DNER: variants seen among roughly 807,000 people sequenced by gnomAD.
DNER encodes delta/notch like EGF repeat containing.
In DNER, 33 loss-of-function variants were observed where a neutral mutation model predicts 78.2. The observed-to-expected ratio is 0.42, with a 90% CI of 0.32 to 0.56. The LOEUF (loss-of-function observed/expected upper bound fraction) is 0.56, where lower values mean the gene tolerates loss of function less well. Ranked by LOEUF, DNER falls within the 20% of genes least tolerant of loss-of-function variation. The pLI, the probability that DNER is intolerant of heterozygous loss-of-function variation, is 0.11. For missense variants in DNER, 918 were observed against 975.3 expected, an observed-to-expected ratio of 0.94 and a Z score of 0.78; for synonymous variants, 417 against 384.8, an observed-to-expected ratio of 1.08 and a Z score of -0.98.
At chr2:229,603,725 T>A (rs1354519411) in intron 1 of DNER, among the ~76,000 whole-genome samples, 2 of 151,830 alleles carry the variant, frequency 1.3e-5, no homozygotes, top group Non-Finnish European at 2.9e-5. Context: ...TACATTGAGC[T>A]GTACATATTT....
intron 9 of DNER, among the ~76,000 whole-genome samples, chr2:229,408,944 T>G (rs902128220): frequency 6.6e-6 from 1 of 152,174 alleles, no homozygotes; most frequent in Non-Finnish European, 1.5e-5. Flanking sequence ...ACCCCTGTGA[T>G]CCCACTGCCT....
At chr2:229,546,481 AT>A (rs1696628328) in intron 5 of DNER, among the ~76,000 whole-genome samples, 1 of 152,272 alleles carries the variant, frequency 6.6e-6, no homozygotes, top group Admixed American at 6.5e-5. Flanking sequence ...CATGCCTGTA[AT>A]CTCAGCACTG....
intron 4 of DNER, among the ~76,000 whole-genome samples, chr2:229,580,684 A>G (rs776062933): frequency 2.0e-5 from 3 of 152,348 alleles, no homozygotes; most frequent in Middle Eastern, 3.4e-3. Flanking sequence ...AAAACGAACC[A>G]TAAGAAAGAA....
chr2:229,433,132 G>T (rs1416603110), intron 8 of DNER, among the ~76,000 whole-genome samples: 1 of 152,178 alleles, frequency 6.6e-6, no homozygotes, highest in African/African-American at 2.4e-5. Flanking sequence ...GAGAGACAGG[G>T]TTTCACCATG....
intron 5 of DNER, among the ~76,000 whole-genome samples, chr2:229,529,246 T>C (rs888457705): frequency 2.0e-5 from 3 of 151,998 alleles, no homozygotes; most frequent in African/African-American, 4.8e-5. Context: ...ATCCTAACAA[T>C]AGAGGAGCGA....
intron 4 of DNER, among the ~76,000 whole-genome samples, chr2:229,554,926 AG>A (rs1696827003): frequency 2.8e-4 from 15 of 54,030 alleles, no homozygotes; most frequent in South Asian, 8.6e-4. Flanking sequence ...AGAAGAGAAG[AG>A]AAGAGAAGAG....
chr2:229,366,524 T>C (rs1290857179), intron 12 of DNER, among the ~76,000 whole-genome samples: 1 of 152,258 alleles, frequency 6.6e-6, no homozygotes, highest in Non-Finnish European at 1.5e-5. Context: ...ATATGTTGAC[T>C]GTTTGAAGAG....
At chr2:229,568,801 A>G (rs1213218461) in intron 4 of DNER, among the ~76,000 whole-genome samples, 2 of 152,170 alleles carry the variant, frequency 1.3e-5, no homozygotes, top group East Asian at 1.9e-4. Flanking sequence ...CGCTCAGGCA[A>G]TCCTCCCACT....
At chr2:229,611,569 A>G (rs760516753) in intron 1 of DNER, among the ~76,000 whole-genome samples, 2 of 152,254 alleles carry the variant, frequency 1.3e-5, no homozygotes, top group Admixed American at 6.5e-5. Flanking sequence ...GGCAGACCAC[A>G]GACAGAACAG....
In DNER at chr2:229,447,438, T is replaced by C. The variant is rs769731483; in HGVS notation, c.1364A>G (p.Asn455Ser). The change falls in exon 8 of 13, where the codon AAC becomes AGC. Residue 455 changes from asparagine to serine, a missense_variant. Asn to Ser is a conservative substitution (Grantham distance 46, BLOSUM62 1). Transcript: ENST00000341772. Reference protein sequence around the residue: ...CYVDGVHFTCNCSPGFTGPTC... With the variant: ...CYVDGVHFTCSCSPGFTGPTC... ...CGGCCCTGTGAAGCCCGGGCTGCAG[T>C]TGCAGGTAAAGTGTACCCCGTCCAC... 10 of 1,614,150 alleles carry C rather than the reference T, an allele frequency of 6.2e-6. No homozygotes were observed. Among genetic ancestry groups the C allele is most frequent in the Non-Finnish European group, 8.5e-6 (10 of 1,180,018 alleles).
At chr2:229,695,732 A>G (rs893182993) in intron 1 of DNER, among the ~76,000 whole-genome samples, 4 of 152,198 alleles carry the variant, frequency 2.6e-5, no homozygotes, top group African/African-American at 9.7e-5. Context: ...CTTTCCCAGT[A>G]TTCCATAAAG....
At chr2:229,473,572 TAGTG>T (rs201999009) in intron 7 of DNER, among the ~76,000 whole-genome samples, 1,824 of 152,318 alleles carry the variant, frequency 0.012, 17 homozygotes, top group Non-Finnish European at 0.019. Flanking sequence ...TTAGTAGACA[TAGTG>T]AGTGATAGCT....
At position 229,614,710 on chromosome 2, in the gene DNER, C is replaced by T. The variant is rs572642453; in HGVS notation, c.277-22822G>A. Among the ~76,000 whole-genome samples the T allele has an allele frequency of 3.7e-4, 57 of 152,334 alleles. No individual in the cohort carries two copies. In the South Asian group the frequency reaches 0.012, roughly 31 times the overall value. The stretch of plus-strand genomic sequence containing the variant: ...ATAAGAGACTGGGCTCCAGCCCTGC[C>T]TCCTCTGCAGACTGGACAGTGACTC... On this transcript the variant is annotated intron_variant, in intron 1 of 12. Transcript: ENST00000341772.
chr2:229,404,090 G>A (rs979007420), intron 10 of DNER, among the ~76,000 whole-genome samples: 1 of 152,140 alleles, frequency 6.6e-6, no homozygotes, highest in Non-Finnish European at 1.5e-5. Flanking sequence ...TAGTGGTGCA[G>A]GTAGGTTGGA....
Position 229,408,298 on chromosome 2 carries a change from A to G in DNER, c.1610-953T>C, listed in dbSNP as rs1277485250. On this transcript the variant is annotated intron_variant, in intron 9 of 12. Transcript: ENST00000341772. ...CTTTTTTACAAGTATCTATTTTTTT[A>G]TAATTTTATTAAAAACTTTAAAAAT... Among the ~76,000 whole-genome samples, 8 of 152,120 alleles carry G rather than the reference A, an allele frequency of 5.3e-5. No individual in the cohort carries two copies. In the South Asian group the frequency reaches 6.2e-4, roughly 12 times the overall value.
chr2:229,563,396 T>TCATCAA (rs1697005510), intron 4 of DNER, among the ~76,000 whole-genome samples: 2 of 148,364 alleles, frequency 1.3e-5, no homozygotes, highest in East Asian at 2.1e-4. Context: ...ATCACCATCA[T>TCATCAA]CATCATCACC....
chr2:229,435,843 C>A (rs958304963), intron 8 of DNER, among the ~76,000 whole-genome samples: 1 of 152,072 alleles, frequency 6.6e-6, no homozygotes, highest in Non-Finnish European at 1.5e-5. Flanking sequence ...CCTATAAAAC[C>A]AAGTGGGATT....
chr2:229,482,080 G>C (rs886370578), intron 6 of DNER, among the ~76,000 whole-genome samples: 1 of 152,210 alleles, frequency 6.6e-6, no homozygotes, highest in Non-Finnish European at 1.5e-5. Context: ...TCCAAATGAC[G>C]AAAGTCTATA....
At chr2:229,375,283 A>ACTGAACAATAT (rs1261248490) in intron 11 of DNER, among the ~76,000 whole-genome samples, 1 of 152,236 alleles carries the variant, frequency 6.6e-6, no homozygotes, top group Non-Finnish European at 1.5e-5. Context: ...TGTACCAGTC[A>ACTGAACAATAT]CTGAACAATA....
Sources: allele counts gnomAD v4.1 joint callset (sites outside exome capture counted in the v4.1 genomes callset), GRCh38; gene constraint gnomAD v4.1.1; transcripts MANE v1.5; gene names NCBI Gene and HGNC (gene_info 2026-07-23, HGNC 2026-07-21).